Variants in MST1R observed in about 807,000 individuals in gnomAD.
MST1R encodes macrophage stimulating 1 receptor.
A neutral mutation model predicts 117.8 loss-of-function variants in MST1R; 99 were observed. The ratio of observed to expected loss-of-function variants is 0.84; its 90% CI spans 0.71 to 0.99. The LOEUF is 0.99. Among genes scored for constraint, MST1R ranks in the 50% least tolerant of loss-of-function variants. MST1R has a pLI of 0.00. For missense variants in MST1R, 1,683 were observed against 1,840.2 expected (o/e 0.91, Z 1.56); for synonymous variants, 734 against 765.3 (o/e 0.96, Z 0.68).
In MST1R at chr3:49,898,893, G is replaced by A. The variant is rs1479646823; in HGVS notation, c.1522C>T (p.His508Tyr). The change falls in exon 3 of 20, where the codon CAC becomes TAC. Residue 508 changes from histidine to tyrosine, a missense_variant. Coordinates refer to ENST00000296474, the MANE Select transcript of MST1R (RefSeq NM_002447.4). ...TGGTCCCCAGAGGCAAAGAGTAGGTGGTCCCCAAGACGACTGACATCCCGC... is the reference window on the plus strand; with the variant it reads ...TGGTCCCCAGAGGCAAAGAGTAGGTAGTCCCCAAGACGACTGACATCCCGC... ...VQRDVSRLGD[H>Y]LLFASGDQVF... is the part of the protein sequence containing the mutation. 5 of 1,614,018 alleles carry A rather than the reference G, an allele frequency of 3.1e-6. No individual in the cohort carries two copies. In the Admixed American group the frequency reaches 6.7e-5, roughly 22 times the overall value.
intron 3 of MST1R, 43 bp downstream of exon 3, chr3:49,898,824 A>G (rs1156663602): frequency 1.2e-6 from 2 of 1,612,484 alleles, no homozygotes; most frequent in African/African-American, 2.7e-5. Context: ...AGAGTCTGTG[A>G]TCCCACAACC....
rs2108509203 is a variant in MST1R at position 49,903,058 on chromosome 3, G to A, written c.552C>T (p.Thr184=). 1 of 1,610,342 alleles carries A rather than the reference G, an allele frequency of 6.2e-7. No individual in the cohort carries two copies. The highest frequency in any genetic ancestry group is 8.5e-7 in the Non-Finnish European group (1 of 1,180,024). ...CPDCVASPLG[T]RVTVVEQGQA... ...GGCCTTGCTCAACCACAGTTACACG[G>A]GTGCCCAATGGGCTGGCCACACAGT... is the stretch of plus-strand genomic sequence containing the variant. The change falls in exon 1 of 20, where the codon ACC becomes ACT. Residue 184 remains threonine (T), a synonymous_variant. Coordinates refer to ENST00000296474, the MANE Select transcript of MST1R (RefSeq NM_002447.4).
chr3:49,887,451 A>G lies in MST1R; in HGVS notation c.4059T>C (p.Tyr1353=). 6.2e-7 allele frequency: 1 copy of G among 1,614,236 alleles called. No individual in the cohort carries two copies. The highest frequency in any genetic ancestry group is 1.6e-4 in the Middle Eastern group (1 of 6,062). Residue 1353 remains tyrosine (Y), a synonymous_variant, in exon 20 of 20, where the codon TAT becomes TAC. Coordinates refer to ENST00000296474, the MANE Select transcript of MST1R (RefSeq NM_002447.4). The part of the protein sequence containing the change: ...QIVSALLGDH[Y]VQLPATYMNL... The stretch of plus-strand genomic sequence containing the variant: ...TCATGTAGGTTGCTGGCAGCTGCAC[A>G]TAATGGTCCCCAAGCAGTGCAGACA...
chr3:49,903,272 C>T lies in MST1R; in HGVS notation c.338G>A (p.Gly113Asp), dbSNP rs750838123. ...CTTTGTGTCTGTGTCACCGGGAGGGCCGTGGGGTCCTGGGCCACAGGCTGC... is the reference window on the plus strand; with the variant it reads ...CTTTGTGTCTGTGTCACCGGGAGGGTCGTGGGGTCCTGGGCCACAGGCTGC... ...TCAACGPGPH[G>D]PPGDTDTKVL... The change falls in exon 1 of 20, where the codon GGC becomes GAC. Residue 113 changes from glycine (G) to aspartate (D), a missense_variant. Transcript: ENST00000296474. 6.2e-7 allele frequency: 1 copy of T among 1,610,472 alleles called. No individual in the cohort carries two copies. The highest frequency in any genetic ancestry group is 1.1e-5 in the South Asian group (1 of 91,072).
Position 49,892,828 on chromosome 3 carries a change from C to T in MST1R, c.3272-990G>A, listed in dbSNP as rs1186586510. 8.7e-5 allele frequency among the ~76,000 whole-genome samples: 13 copies of T among 149,852 alleles called. No homozygotes were observed. The South Asian group carries it at 2.5e-3, about 29-fold the overall frequency. ...AATTAGACAGGTGTGGTGGCAGTGGCAGGCCCCTGTAATCCCAGCTACTCA... is the reference window on the plus strand; with the variant it reads ...AATTAGACAGGTGTGGTGGCAGTGGTAGGCCCCTGTAATCCCAGCTACTCA... On this transcript the variant is annotated intron_variant, in intron 14 of 19. Transcript: ENST00000296474.
intron 1 of MST1R, 97 bp from the exon 2 acceptor site, chr3:49,899,360 C>T (rs958179964): frequency 5.9e-6 from 8 of 1,346,310 alleles, no homozygotes; most frequent in Non-Finnish European, 8.3e-6. Flanking sequence ...AACACTCTCA[C>T]CCCTCACCTG....
At position 49,903,219 on chromosome 3, in the gene MST1R, C is replaced by A. The variant is rs2082751330; in HGVS notation, c.391G>T (p.Ala131Ser). Reference sequence around the variant, plus strand: ...AGGCTGGAGCCACAACTGACCAGCGCAGGCAGCGCGGGATCCAGCACCAGC... The same window carrying A: ...AGGCTGGAGCCACAACTGACCAGCGAAGGCAGCGCGGGATCCAGCACCAGC... ...KVLVLDPALPALVSCGSSLQG... is the reference protein window; with the variant it reads ...KVLVLDPALPSLVSCGSSLQG... Residue 131 changes from alanine to serine, a missense_variant, in exon 1 of 20, where the codon GCG (alanine) becomes TCG (serine). Ala to Ser is a moderately conservative substitution (Grantham distance 99). Coordinates refer to ENST00000296474, the MANE Select transcript of MST1R (RefSeq NM_002447.4). The A allele has an allele frequency of 1.9e-6, 3 of 1,607,122 alleles. No individual in the cohort carries two copies. The highest frequency in any genetic ancestry group is 2.5e-6 in the Non-Finnish European group (3 of 1,179,984).
In MST1R at chr3:49,891,505, A is replaced by G. The variant is rs371974262; in HGVS notation, c.3428T>C (p.Val1143Ala). 1.7e-5 allele frequency: 28 copies of G among 1,614,018 alleles called. No individual in the cohort carries two copies. In the African/African-American group the frequency reaches 3.2e-4, roughly 18 times the overall value. ...LLMRGLNHPN[V>A]LALIGIMLPP... is the part of the protein sequence containing the mutation. ...CAACATGATACCAATGAGAGCCAGCACATTCGGGTGGTTCAGGCCACGCAT... is the reference window on the plus strand; with the variant it reads ...CAACATGATACCAATGAGAGCCAGCGCATTCGGGTGGTTCAGGCCACGCAT... The change falls in exon 16 of 20, where the codon GTG becomes GCG. Residue 1143 changes from valine to alanine, a missense_variant. Coordinates refer to ENST00000296474, the MANE Select transcript of MST1R (RefSeq NM_002447.4).
At position 49,887,581 on chromosome 3, in the gene MST1R, G is replaced by A; in HGVS notation, c.3948-19C>T. The stretch of plus-strand genomic sequence containing the variant: ...TTGGTACCTGTTGGGGGAAAGGGAT[G>A]TCAGGTTAAGGCAATTTCCACCCAA... On this transcript the variant is annotated intron_variant, in intron 19 of 19. Transcript: ENST00000296474. 6.2e-7 allele frequency: 1 copy of A among 1,611,484 alleles called. No homozygotes were observed.
In MST1R at chr3:49,899,190, C is replaced by T. The variant is rs200724473; in HGVS notation, c.1304G>A (p.Arg435His). The T allele has an allele frequency of 4.0e-5, 65 of 1,614,072 alleles. No individual in the cohort carries two copies. The highest frequency in any genetic ancestry group is 5.0e-5 in the Non-Finnish European group (59 of 1,180,056). The change falls in exon 2 of 20, where the codon CGT becomes CAT. Residue 435 changes from arginine to histidine, a missense_variant. Arg to His is a conservative substitution (Grantham distance 29, BLOSUM62 0). Coordinates refer to ENST00000296474, the MANE Select transcript of MST1R (RefSeq NM_002447.4). ...FPLLVSSSFSRVDLFNGLLGP... is the reference protein window; with the variant it reads ...FPLLVSSSFSHVDLFNGLLGP... ...CAACAGCCCATTGAATAGGTCCACA[C>T]GTGAGAAGCTGCTACTGACCAGCAG...
rs1481101052 is a variant in MST1R, at chr3:49,896,412, G to T, written c.2440-8C>A. The T allele has an allele frequency of 6.2e-7, 1 of 1,611,762 alleles. No individual in the cohort carries two copies. The highest frequency in any genetic ancestry group is 1.3e-5 in the African/African-American group (1 of 75,028). On this transcript the variant is annotated splice_polypyrimidine_tract_variant and splice_region_variant and intron_variant, in intron 9 of 19. Coordinates refer to ENST00000296474, the MANE Select transcript of MST1R (RefSeq NM_002447.4). Reference sequence around the variant, plus strand: ...TGGAAGCTGCCTCTCACACTGCTGGGACCAATATGAGAGTGATTAGCCAGG... The same window carrying T: ...TGGAAGCTGCCTCTCACACTGCTGGTACCAATATGAGAGTGATTAGCCAGG...
At chr3:49,889,886 G>C in intron 19 of MST1R, 38 bp downstream of exon 19, 3 of 1,612,476 alleles carry the variant, frequency 1.9e-6, no homozygotes, top group Non-Finnish European at 2.5e-6. Flanking sequence ...TGTCTCTGGG[G>C]CCCAGTTCCC....
chr3:49,897,990 T>G lies in MST1R; in HGVS notation c.1880+61A>C, dbSNP rs552133923. ...CTGATAAGCAGAGAACAGGGTCTCA[T>G]GGGGAAGGGGCTGCTTGGTTTCCCC... On this transcript the variant is annotated intron_variant, in intron 5 of 19. Transcript: ENST00000296474. 1.1e-5 allele frequency: 17 copies of G among 1,606,416 alleles called. No individual in the cohort carries two copies. The Admixed American group carries it at 2.5e-4, about 24-fold the overall frequency.
chr3:49,890,619 C>T lies in MST1R; in HGVS notation c.3676G>A (p.Asp1226Asn). The change falls in exon 18 of 20, where the codon GAC (aspartate) becomes AAC (asparagine). Residue 1226 changes from aspartate to asparagine, a missense_variant. Transcript: ENST00000296474. Reference protein sequence around the residue: ...LDESFTVKVADFGLARDILDR... With the variant: ...LDESFTVKVANFGLARDILDR... ...AGGATGTCGCGGGCCAAACCAAAGT[C>T]AGCCACCTTGACTGTGAATGACTCG... The T allele has an allele frequency of 6.2e-7, 1 of 1,613,654 alleles. No individual in the cohort carries two copies. The highest frequency in any genetic ancestry group is 8.5e-7 in the Non-Finnish European group (1 of 1,179,650).
intron 1 of MST1R, among the ~76,000 whole-genome samples, chr3:49,901,776 G>C (rs1376519511): frequency 6.6e-6 from 1 of 151,760 alleles, no homozygotes; most frequent in East Asian, 1.9e-4. Context: ...GGGGTGGGTG[G>C]GGGGAGGGGG....
chr3:49,892,451 C>G (rs1037620650), intron 14 of MST1R, among the ~76,000 whole-genome samples: 1 of 151,544 alleles, frequency 6.6e-6, no homozygotes, highest in African/African-American at 2.4e-5. Flanking sequence ...AGCTTGAACC[C>G]GGGAGGCAGA....
Position 49,903,714 on chromosome 3 carries a change from G to A in MST1R, c.-105C>T, listed in dbSNP as rs2082773190. The A allele has an allele frequency of 7.0e-7, 1 of 1,436,272 alleles. No individual in the cohort carries two copies. The highest frequency in any genetic ancestry group is 2.5e-5 in the Admixed American group (1 of 39,714). The allele number at this position is 1,436,272 out of a possible 1,614,324, so 89.0% of individuals were successfully genotyped here. ...GAGGTCTGGACTGGGCCAAATTTAA[G>A]CAGCGGTCCCGACAGCCCCAAGATA... On this transcript the variant is annotated 5_prime_UTR_variant, in exon 1 of 20. Coordinates refer to ENST00000296474, the MANE Select transcript of MST1R (RefSeq NM_002447.4).
At chr3:49,896,434 C>T in intron 9 of MST1R, 30 bp from the exon 10 acceptor site, 2 of 1,606,714 alleles carry the variant, frequency 1.2e-6, no homozygotes, top group South Asian at 2.2e-5. Context: ...AGTGATTAGC[C>T]AGGAACCCCA....
At position 49,903,486 on chromosome 3, in the gene MST1R, C is replaced by A. The variant is rs1196376975; in HGVS notation, c.124G>T (p.Val42Leu). ...GAGAAGCTGGGCACCACGTACTTCA[C>A]GTCAAAGTCGCGAGAGGCCGCGTAG... The part of the protein sequence containing the change: ...TPYAASRDFD[V>L]KYVVPSFSAG... The change falls in exon 1 of 20, where the codon GTG (valine) becomes TTG (leucine). Residue 42 changes from valine (V) to leucine (L), a missense_variant. Physicochemically the swap from Val to Leu is conservative, Grantham distance 32 (BLOSUM62 1). Coordinates refer to ENST00000296474, the MANE Select transcript of MST1R (RefSeq NM_002447.4). 1.9e-6 allele frequency: 3 copies of A among 1,612,232 alleles called. No homozygotes were observed. The Admixed American group carries it at 5.0e-5, about 27-fold the overall frequency.
Sources: gnomAD v4.1 joint callset for allele counts (sites outside exome capture counted in the v4.1 genomes callset) on GRCh38, gnomAD v4.1.1 for gene constraint, MANE v1.5 for transcripts, NCBI Gene and HGNC (gene_info 2026-07-23, HGNC 2026-07-21) for gene names.